Variants in THSD4 observed in about 807,000 individuals in gnomAD.
THSD4 encodes the protein thrombospondin type-1 domain-containing protein 4.
A neutral mutation model predicts 119.0 loss-of-function variants in THSD4; 69 were observed. That is an observed-to-expected ratio of 0.58 (90% confidence interval 0.48 to 0.71). THSD4 has a LOEUF of 0.71. Ranked by LOEUF, THSD4 falls within the 30% of genes least tolerant of loss-of-function variation. The pLI is 0.00. For missense variants in THSD4, 1,393 were observed against 1,391.1 expected, an observed-to-expected ratio of 1.00 and a Z score of -0.02; for synonymous variants, 524 against 540.4, an observed-to-expected ratio of 0.97 and a Z score of 0.42.
chr15:71,464,557 T>C (rs766505198), intron 7 of THSD4, among the ~76,000 whole-genome samples: 3 of 152,228 alleles, frequency 2.0e-5, no homozygotes, highest in Non-Finnish European at 4.4e-5. Flanking sequence ...ATATGGAGCA[T>C]ACCCAATTTT....
At position 71,521,905 on chromosome 15, in the gene THSD4, G is replaced by T. The variant is rs962911099; in HGVS notation, c.1152+110082G>T. On this transcript the variant is annotated intron_variant, in intron 7 of 17. Transcript: ENST00000261862. ...TCTTCCTAAGGGCTGGTTGTTTGAA[G>T]AAATTATTAGAAAAATTGGTGGTGA... Among the ~76,000 whole-genome samples, 9 of 152,332 alleles carry T rather than the reference G, an allele frequency of 5.9e-5. No individual in the cohort carries two copies. In the East Asian group the frequency reaches 1.5e-3, roughly 26 times the overall value.
chr15:71,506,982 C>T (rs1405219425), intron 7 of THSD4, among the ~76,000 whole-genome samples: 1 of 152,242 alleles, frequency 6.6e-6, no homozygotes, highest in African/African-American at 2.4e-5. Flanking sequence ...GAATTGAAAA[C>T]TTCAACAGGA....
At chr15:71,622,528 A>G (rs1172752892) in intron 7 of THSD4, among the ~76,000 whole-genome samples, 1 of 152,182 alleles carries the variant, frequency 6.6e-6, no homozygotes, top group Non-Finnish European at 1.5e-5. Flanking sequence ...TCTTTACTTC[A>G]TTGCAACTTA....
At chr15:71,533,258 G>A (rs905017676) in intron 7 of THSD4, among the ~76,000 whole-genome samples, 5 of 152,176 alleles carry the variant, frequency 3.3e-5, no homozygotes, top group Non-Finnish European at 7.3e-5. Flanking sequence ...ATATAGATTT[G>A]CAAGTGGGAG....
chr15:71,414,232 G>A (rs1158374365), intron 7 of THSD4, among the ~76,000 whole-genome samples: 1 of 152,202 alleles, frequency 6.6e-6, no homozygotes, highest in East Asian at 1.9e-4. Flanking sequence ...AACAGGGTTT[G>A]GCATTCAGTA....
chr15:71,568,364 G>A (rs554366338), intron 7 of THSD4, among the ~76,000 whole-genome samples: 2 of 152,176 alleles, frequency 1.3e-5, no homozygotes, highest in South Asian at 2.1e-4. Context: ...CAGCACATGG[G>A]TGACATGATG....
chr15:71,107,175 T>C (rs2040277416), intron 1 of THSD4, among the ~76,000 whole-genome samples: 1 of 152,234 alleles, frequency 6.6e-6, no homozygotes, highest in Admixed American at 6.5e-5. Context: ...GCTGTCTTCA[T>C]GAAACCGTTA....
chr15:71,360,013 G>C lies in THSD4; in HGVS notation c.1016-51674G>C, dbSNP rs541510337. Among the ~76,000 whole-genome samples the C allele has an allele frequency of 2.6e-4, 40 of 152,202 alleles. No homozygotes were observed. In the East Asian group the frequency reaches 7.0e-3, roughly 26 times the overall value. On this transcript the variant is annotated intron_variant, in intron 6 of 17. Coordinates refer to ENST00000261862, the MANE Select transcript of THSD4 (RefSeq NM_024817.3). Reference sequence around the variant, plus strand: ...CTTAAAGAACAGTTTATTATCTTTCGTGGTTCTGGAGGTTGACTGCACTCA... The same window carrying C: ...CTTAAAGAACAGTTTATTATCTTTCCTGGTTCTGGAGGTTGACTGCACTCA...
chr15:71,451,865 T>C (rs1326382755), intron 7 of THSD4, among the ~76,000 whole-genome samples: 2 of 152,200 alleles, frequency 1.3e-5, no homozygotes, highest in Non-Finnish European at 2.9e-5. Flanking sequence ...TGTTCTTCTC[T>C]GCTGGTTCGT....
chr15:71,528,344 G>A (rs2048557834), intron 7 of THSD4, among the ~76,000 whole-genome samples: 1 of 152,134 alleles, frequency 6.6e-6, no homozygotes, highest in South Asian at 2.1e-4. Context: ...CAGCCACTGA[G>A]GACTTTGTCA....
intron 6 of THSD4, among the ~76,000 whole-genome samples, chr15:71,316,567 C>T (rs2045189554): frequency 6.6e-6 from 1 of 152,172 alleles, no homozygotes; most frequent in Non-Finnish European, 1.5e-5. Context: ...ATACTACACA[C>T]CAACCTAGGC....
At chr15:71,537,959 C>T (rs975078080) in intron 7 of THSD4, among the ~76,000 whole-genome samples, 1 of 151,918 alleles carries the variant, frequency 6.6e-6, no homozygotes, top group Non-Finnish European at 1.5e-5. Context: ...GATGAGGTTT[C>T]ACCATGTTCA....
intron 7 of THSD4, among the ~76,000 whole-genome samples, chr15:71,441,549 C>T (rs947150405): frequency 2.0e-5 from 3 of 151,232 alleles, no homozygotes; most frequent in Non-Finnish European, 4.4e-5. Flanking sequence ...GTGTGCGCCA[C>T]CACACCAGCT....
intron 7 of THSD4, among the ~76,000 whole-genome samples, chr15:71,442,658 G>GTGTGTGTGTATGTATGTATGTA (rs1403001889): frequency 3.2e-5 from 1 of 31,348 alleles, no homozygotes; most frequent in African/African-American, 9.9e-5. Flanking sequence ...GTGTGTGTGT[G>GTGTGTGTGTATGTATGTATGTA]TGTATATATA....
At chr15:71,380,172 C>G (rs1429811205) in intron 6 of THSD4, among the ~76,000 whole-genome samples, 1 of 152,108 alleles carries the variant, frequency 6.6e-6, no homozygotes, top group Non-Finnish European at 1.5e-5. Flanking sequence ...CTCAAGTATG[C>G]AAGTACAGAG....
intron 7 of THSD4, among the ~76,000 whole-genome samples, chr15:71,581,384 T>A (rs1182311321): frequency 6.6e-6 from 1 of 152,162 alleles, no homozygotes; most frequent in Non-Finnish European, 1.5e-5. Flanking sequence ...TTCTGTTATT[T>A]GATTTTTTTG....
intron 7 of THSD4, among the ~76,000 whole-genome samples, chr15:71,449,211 A>G (rs899887401): frequency 6.6e-6 from 1 of 152,180 alleles, no homozygotes; most frequent in East Asian, 1.9e-4. Context: ...AAAGGCTTAT[A>G]TGTTGATTTG....
intron 8 of THSD4, among the ~76,000 whole-genome samples, chr15:71,677,422 A>ACTTT (rs1331284742): frequency 5.9e-5 from 9 of 152,226 alleles, no homozygotes; most frequent in African/African-American, 2.2e-4. Flanking sequence ...ATTCCATGCC[A>ACTTT]AAGAGACTGT....
At chr15:71,504,345 A>C (rs951008192) in intron 7 of THSD4, among the ~76,000 whole-genome samples, 6 of 152,218 alleles carry the variant, frequency 3.9e-5, no homozygotes, top group African/African-American at 1.4e-4. Context: ...AAGCTGAGAT[A>C]ATTAAAGGTG....
Sources: gnomAD v4.1 joint callset for allele counts (sites outside exome capture counted in the v4.1 genomes callset) on GRCh38, gnomAD v4.1.1 for gene constraint, MANE v1.5 for transcripts, NCBI Gene and HGNC (gene_info 2026-07-23, HGNC 2026-07-21) for gene names.